The following CNR1 variants were observed in gnomAD, a reference collection of about 807,000 sequenced individuals.
CNR1 encodes the protein cannabinoid receptor 1 (brain).
Under a neutral mutation model 23.0 loss-of-function variants are expected in CNR1, and 10 were observed. The observed-to-expected ratio is 0.43, with a 90% confidence interval of 0.27 to 0.74. CNR1 has a LOEUF of 0.74. Ranked by LOEUF, CNR1 falls within the 30% of genes least tolerant of loss-of-function variation. The pLI is 0.19. For synonymous variants in CNR1, 271 were observed against 255.2 expected (o/e 1.06, Z -0.59); for missense variants, 422 against 618.8 (o/e 0.68, Z 3.37).
At chr6:88,160,106 T>C (rs1179801234) in intron 1 of CNR1, among the ~76,000 whole-genome samples, 29 of 151,966 alleles carry the variant, frequency 1.9e-4, no homozygotes. Context: ...GGCAGGCGGA[T>C]CACTTGAGAT....
In CNR1 at chr6:88,144,546, T is replaced by C. The variant is rs780853081; in HGVS notation, c.729A>G (p.Ile243Met). Residue 243 changes from isoleucine (I) to methionine (M), a missense_variant, in exon 2 of 2, where the codon ATA (isoleucine) becomes ATG (methionine). Ile to Met is a conservative substitution (Grantham distance 10). This residue lies in a region of CNR1 where 211 missense variants were observed against 357.3 expected (regional missense o/e 0.59). Transcript: ENST00000369501. The surrounding 1 kb of genome is among the most constrained non-coding windows in gnomAD (Gnocchi z 7.8). ...GAGGCAGCACGGCGATCACAATGGC[T>C]ATGGTCCACATCAGGCAAAACGCCA... ...AVVAFCLMWT[I>M]AIVIAVLPLL... 1 of 1,614,184 alleles carries C rather than the reference T, an allele frequency of 6.2e-7. No individual in the cohort carries two copies. Among genetic ancestry groups the C allele is most frequent in the Non-Finnish European group, 8.5e-7 (1 of 1,180,034 alleles).
intron 1 of CNR1, among the ~76,000 whole-genome samples, chr6:88,157,828 T>C (rs1777882966): frequency 6.6e-6 from 1 of 152,208 alleles, no homozygotes; most frequent in South Asian, 2.1e-4. Context: ...TCTCTATTAT[T>C]GTAGGGACTA....
Position 88,145,235 on chromosome 6 carries a change from G to A in CNR1, c.40C>T (p.Arg14Cys), listed in dbSNP as rs781222994. The A allele has an allele frequency of 5.0e-6, 8 of 1,613,798 alleles. No individual in the cohort carries two copies. The highest frequency in any genetic ancestry group is 1.3e-5 in the African/African-American group (1 of 74,894). ...TACAGGAGGTCAGTGGTGATGGTGC[G>A]GAAGGTGGTATCTGCAAGGCCATCT... Reference protein sequence around the residue: ...ILDGLADTTFRTITTDLLYVG... With the variant: ...ILDGLADTTFCTITTDLLYVG... The change falls in exon 2 of 2, where the codon CGC (arginine) becomes TGC (cysteine). Residue 14 changes from arginine (R) to cysteine (C), a missense_variant. By Grantham distance (180) the Arg-to-Cys change is radical. Around this residue, in one of 4 missense-constraint regions of CNR1, gnomAD observed 120 missense variants for 117.6 expected, o/e 1.02. Coordinates refer to ENST00000369501, the MANE Select transcript of CNR1 (RefSeq NM_016083.6).
chr6:88,159,846 C>T (rs1019730398), intron 1 of CNR1, among the ~76,000 whole-genome samples: 17 of 152,120 alleles, frequency 1.1e-4, no homozygotes, highest in Non-Finnish European at 5.9e-5. Context: ...TAGCCAAACG[C>T]CATGGAATAA....
At position 88,143,536 on chromosome 6, in the gene CNR1, T is replaced by A. The variant is rs1244351616; in HGVS notation, c.*320A>T. The A allele has an allele frequency of 3.8e-6, 1 of 259,792 alleles. No homozygotes were observed. The highest frequency in any genetic ancestry group is 4.9e-5 in the Admixed American group (1 of 20,206). The allele number at this position is 259,792 out of a possible 1,614,324, so 16.1% of individuals were successfully genotyped here. On this transcript the variant is annotated 3_prime_UTR_variant, in exon 2 of 2. Transcript: ENST00000369501. Reference sequence around the variant, plus strand: ...GAAAGTTGTGGTTACAAAGGCATTATTCATTTGATGGCATTTTTCCATGGG... The same window carrying A: ...GAAAGTTGTGGTTACAAAGGCATTAATCATTTGATGGCATTTTTCCATGGG...
Position 88,166,124 on chromosome 6 carries a change from G to A in CNR1, c.-385C>T, listed in dbSNP as rs1289918975. The A allele has an allele frequency of 6.6e-6, 1 of 152,116 alleles. No homozygotes were observed. The highest frequency in any genetic ancestry group is 2.4e-5 in the African/African-American group (1 of 41,440). 9.4% of individuals were successfully genotyped at this position (152,116 alleles called of 1,614,324 possible). A position where few individuals can be genotyped will look rare whatever the true frequency, so the allele number is the denominator to read the frequency against. On this transcript the variant is annotated 5_prime_UTR_variant, in exon 1 of 2. Coordinates refer to ENST00000369501, the MANE Select transcript of CNR1 (RefSeq NM_016083.6). Reference sequence around the variant, plus strand: ...GCGGTCAGCAAGTCAGTCCGTCCGAGCGCCGGCGTCCCGGTCTCCAGCGCC... The same window carrying A: ...GCGGTCAGCAAGTCAGTCCGTCCGAACGCCGGCGTCCCGGTCTCCAGCGCC...
chr6:88,158,381 T>A (rs917262100), intron 1 of CNR1, among the ~76,000 whole-genome samples: 8 of 152,154 alleles, frequency 5.3e-5, no homozygotes, highest in African/African-American at 1.7e-4. Flanking sequence ...ATTGAATTAG[T>A]AAATAAGACA....
In CNR1 at chr6:88,149,441, T is replaced by C. The variant is rs550163922; in HGVS notation, c.-63-4104A>G. On this transcript the variant is annotated intron_variant, in intron 1 of 1. Transcript: ENST00000369501. ...TCAACTCTTGCTCCTTGCAAACTTATGTTTGCTTAACAACTCCATTTACAT... is the reference window on the plus strand; with the variant it reads ...TCAACTCTTGCTCCTTGCAAACTTACGTTTGCTTAACAACTCCATTTACAT... Among the ~76,000 whole-genome samples, 31 of 152,354 alleles carry C rather than the reference T, an allele frequency of 2.0e-4. No individual in the cohort carries two copies. In the South Asian group the frequency reaches 6.2e-3, roughly 31 times the overall value.
At chr6:88,163,136 G>C (rs1778192509) in intron 1 of CNR1, 1 of 152,126 alleles carries the variant, frequency 6.6e-6, no homozygotes, top group Non-Finnish European at 1.5e-5. Flanking sequence ...TCTTAGATTA[G>C]ACTGGATTAA....
intron 1 of CNR1, among the ~76,000 whole-genome samples, chr6:88,162,789 T>C (rs148792399): frequency 7.7e-4 from 118 of 152,332 alleles, no homozygotes; most frequent in African/African-American, 2.3e-3. Flanking sequence ...AGATATGCAG[T>C]ATGTAAACCT....
chr6:88,159,473 A>G (rs1777972372), intron 1 of CNR1, among the ~76,000 whole-genome samples: 1 of 152,242 alleles, frequency 6.6e-6, no homozygotes, highest in Admixed American at 6.5e-5. Context: ...ACTTAAATAT[A>G]TGACTCTGGG....
chr6:88,160,237 G>T (rs978674608), intron 1 of CNR1, among the ~76,000 whole-genome samples: 1 of 151,970 alleles, frequency 6.6e-6, no homozygotes, highest in Admixed American at 6.6e-5. Flanking sequence ...GCTGCAGTGA[G>T]CCGAGATTGT....
intron 1 of CNR1, among the ~76,000 whole-genome samples, chr6:88,154,573 A>AT (rs936855862): frequency 6.6e-6 from 1 of 151,856 alleles, no homozygotes; most frequent in African/African-American, 2.4e-5. Flanking sequence ...AAAGAAAGCA[A>AT]TTTTTTTTAT....
chr6:88,160,110 T>A (rs1437873841), intron 1 of CNR1, among the ~76,000 whole-genome samples: 3 of 151,978 alleles, frequency 2.0e-5, no homozygotes, highest in Non-Finnish European at 2.9e-5. Flanking sequence ...GGCGGATCAC[T>A]TGAGATCAGG....
chr6:88,164,230 T>G (rs1778252034), intron 1 of CNR1: 1 of 152,350 alleles, frequency 6.6e-6, no homozygotes, highest in South Asian at 2.1e-4. Flanking sequence ...CAATGAGACC[T>G]CTCCCCATCA....
intron 1 of CNR1, among the ~76,000 whole-genome samples, chr6:88,156,493 GTAGAA>G (rs374659682): frequency 6.2e-4 from 95 of 152,320 alleles, no homozygotes; most frequent in African/African-American, 2.1e-3. Context: ...AGTTGAAAGA[GTAGAA>G]TAGGTTATAA....
At position 88,165,974 on chromosome 6, in the gene CNR1, A is replaced by AGAGGCG. The variant is rs1296918271; in HGVS notation, c.-241_-236dup. 6.5e-6 allele frequency: 1 copy of AGAGGCG among 152,856 alleles called. No individual in the cohort carries two copies. The highest frequency in any genetic ancestry group is 1.5e-5 in the Non-Finnish European group (1 of 68,556). 9.5% of individuals were successfully genotyped at this position (152,856 alleles called of 1,614,324 possible). On this transcript the variant is annotated 5_prime_UTR_variant, in exon 1 of 2. Transcript: ENST00000369501. ...GGCGCTGGCGCCGCGGGAGACAAGAAGAGGCGGAGGCGGAAAAGAAGTGGA... is the reference window on the plus strand; with the variant it reads ...GGCGCTGGCGCCGCGGGAGACAAGAAGAGGCGGAGGCGGAGGCGGAAAAGAAGTGGA...
rs1777570627 is a variant in CNR1 at position 88,152,283 on chromosome 6, C to T, written c.-63-6946G>A. On this transcript the variant is annotated intron_variant, in intron 1 of 1. Coordinates refer to ENST00000369501, the MANE Select transcript of CNR1 (RefSeq NM_016083.6). ...TGCCAATAGTAATTAAGACTACCTG[C>T]TACTAAATCCCTATTTCCTATCAAA... Among the ~76,000 whole-genome samples the T allele has an allele frequency of 4.0e-5, 6 of 151,738 alleles. No homozygotes were observed. In the South Asian group the frequency reaches 1.3e-3, roughly 32 times the overall value.
chr6:88,166,657 T>G (rs1263186924), upstream of CNR1, among the ~76,000 whole-genome samples: 1 of 152,058 alleles, frequency 6.6e-6, no homozygotes, highest in African/African-American at 2.4e-5. Context: ...CCGGATACCC[T>G]CACACCCTGA....
Sources: allele counts gnomAD v4.1 joint callset (sites outside exome capture counted in the v4.1 genomes callset), GRCh38; gene constraint gnomAD v4.1.1; regional missense constraint gnomAD v4.1.1; non-coding constraint Gnocchi (gnomAD v3.1); transcripts MANE v1.5; gene names NCBI Gene and HGNC (gene_info 2026-07-23, HGNC 2026-07-21).